Variants in NEGR1 observed in about 807,000 individuals in gnomAD.
NEGR1 encodes the protein neuronal growth regulator 1, also known as IgLON family member 4.
NEGR1 carries 10 observed loss-of-function variants against 40.9 expected under a neutral mutation model. The ratio of observed to expected loss-of-function variants is 0.24; its 90% CI spans 0.15 to 0.42. NEGR1 has a LOEUF of 0.42. NEGR1 is among the 10% of genes least tolerant of loss of function. NEGR1 has a pLI of 1.00. For synonymous variants in NEGR1, 185 were observed against 166.8 expected (o/e 1.11, Z -0.84); for missense variants, 352 against 438.9 (o/e 0.80, Z 1.77).
chr1:72,112,357 A>G (rs1468721791), intron 1 of NEGR1, among the ~76,000 whole-genome samples: 1 of 151,466 alleles, frequency 6.6e-6, no homozygotes, highest in Non-Finnish European at 1.5e-5. Flanking sequence ...CGTTTATACT[A>G]TTCTTCATTA....
intron 4 of NEGR1, among the ~76,000 whole-genome samples, chr1:71,639,643 A>AG (rs1327816091): frequency 3.3e-5 from 5 of 152,014 alleles, no homozygotes; most frequent in Non-Finnish European, 2.9e-5. Flanking sequence ...GCTGCTGGTG[A>AG]GGGGGGAAAT....
rs371734184 is a variant in NEGR1, at chr1:72,015,819, G to A, written c.177-80508C>T. ...AGGGTCTAAAACCCCTCATGGCCTG[G>A]TTTTGGGTCTGGCCACCCCAACACT... On this transcript the variant is annotated intron_variant, in intron 1 of 6. Coordinates refer to ENST00000357731, the MANE Select transcript of NEGR1 (RefSeq NM_173808.3). Among the ~76,000 whole-genome samples, 83 of 152,222 alleles carry A rather than the reference G, an allele frequency of 5.5e-4. No individual in the cohort carries two copies. The Middle Eastern group carries it at 0.014, about 25-fold the overall frequency.
chr1:72,175,114 C>T lies in NEGR1; in HGVS notation c.176+107205G>A, dbSNP rs1045320778. On this transcript the variant is annotated intron_variant, in intron 1 of 6. Transcript: ENST00000357731. ...CTGTATCTCCTAATGCTATCCCTCC[C>T]CCCTTCCCCCGATATTTTCAATCAA... Among the ~76,000 whole-genome samples the T allele has an allele frequency of 5.9e-5, 9 of 152,082 alleles. No homozygotes were observed. The East Asian group carries it at 7.8e-4, about 13-fold the overall frequency.
intron 1 of NEGR1, among the ~76,000 whole-genome samples, chr1:72,074,841 C>A (rs1476878166): frequency 1.3e-5 from 2 of 151,944 alleles, no homozygotes; most frequent in African/African-American, 4.8e-5. Context: ...ATTTTTTGGT[C>A]TTACAATGTT....
chr1:71,707,429 G>A (rs1191567508), intron 3 of NEGR1, among the ~76,000 whole-genome samples: 1 of 152,196 alleles, frequency 6.6e-6, no homozygotes, highest in Non-Finnish European at 1.5e-5. Flanking sequence ...GAAAGGGGAG[G>A]GAAGAGTGGG....
chr1:71,969,235 G>A (rs1397533132), intron 1 of NEGR1, among the ~76,000 whole-genome samples: 3 of 152,006 alleles, frequency 2.0e-5, no homozygotes, highest in African/African-American at 7.2e-5. Flanking sequence ...GGCTGGTCTC[G>A]AACACCTGAT....
At chr1:72,235,034 T>A (rs1051172956) in intron 1 of NEGR1, among the ~76,000 whole-genome samples, 4 of 152,050 alleles carry the variant, frequency 2.6e-5, no homozygotes, top group Non-Finnish European at 5.9e-5. Context: ...AATGACAGAC[T>A]GGATAAAGAA....
chr1:72,019,891 T>G (rs2100418313), intron 1 of NEGR1, among the ~76,000 whole-genome samples: 1 of 152,340 alleles, frequency 6.6e-6, no homozygotes, highest in Admixed American at 6.5e-5. Flanking sequence ...AATTTGCATT[T>G]ATGGAGCGCT....
chr1:71,728,518 A>G (rs910970391), intron 3 of NEGR1, among the ~76,000 whole-genome samples: 1 of 152,160 alleles, frequency 6.6e-6, no homozygotes, highest in Non-Finnish European at 1.5e-5. Flanking sequence ...CTGACTTTCT[A>G]TCTTTTCTTA....
intron 3 of NEGR1, among the ~76,000 whole-genome samples, chr1:71,746,531 T>A (rs1655387641): frequency 6.6e-6 from 1 of 152,092 alleles, no homozygotes; most frequent in South Asian, 2.1e-4. Context: ...ATTATGTAAG[T>A]CCTTAAGTGA....
intron 6 of NEGR1, among the ~76,000 whole-genome samples, chr1:71,524,441 T>G (rs964021914): frequency 6.6e-6 from 1 of 151,540 alleles, no homozygotes; most frequent in African/African-American, 2.4e-5. Context: ...ATCATTACCT[T>G]TTTAATAGTA....
chr1:71,643,658 T>C (rs1340723470), intron 4 of NEGR1, among the ~76,000 whole-genome samples: 1 of 152,000 alleles, frequency 6.6e-6, no homozygotes, highest in East Asian at 1.9e-4. Context: ...CACAAATGTA[T>C]ATGCATGTAG....
At chr1:71,651,179 T>A (rs1482039261) in intron 4 of NEGR1, among the ~76,000 whole-genome samples, 2 of 152,180 alleles carry the variant, frequency 1.3e-5, no homozygotes, top group Non-Finnish European at 2.9e-5. Flanking sequence ...TATATTTACA[T>A]GATCAAAGAA....
chr1:71,692,113 G>C (rs1570216329), intron 4 of NEGR1, among the ~76,000 whole-genome samples: 1 of 151,370 alleles, frequency 6.6e-6, no homozygotes, highest in African/African-American at 2.4e-5. Context: ...AGTAGCCCAG[G>C]CTGTAGCACC....
chr1:71,509,973 ACTTT>A (rs1647061815), intron 6 of NEGR1, among the ~76,000 whole-genome samples: 1 of 152,180 alleles, frequency 6.6e-6, no homozygotes, highest in Non-Finnish European at 1.5e-5. Context: ...GAAATGTTGC[ACTTT>A]CATTCTCAAC....
intron 6 of NEGR1, among the ~76,000 whole-genome samples, chr1:71,430,918 C>T (rs570452755): frequency 6.6e-6 from 1 of 151,982 alleles, no homozygotes; most frequent in South Asian, 2.1e-4. Context: ...CACCACCGGG[C>T]CCGACTAATT....
chr1:71,956,314 C>T (rs1016659987), intron 1 of NEGR1, among the ~76,000 whole-genome samples: 2 of 151,964 alleles, frequency 1.3e-5, no homozygotes, highest in Admixed American at 6.6e-5. Flanking sequence ...TATCTTCTAC[C>T]GTGATTATTA....
At chr1:71,959,774 T>A (rs753988016) in intron 1 of NEGR1, among the ~76,000 whole-genome samples, 1 of 152,126 alleles carries the variant, frequency 6.6e-6, no homozygotes, top group Non-Finnish European at 1.5e-5. Flanking sequence ...AAAAGAAGCC[T>A]GTTAAATTTC....
Position 72,223,761 on chromosome 1 carries a change from TA to T in NEGR1, c.176+58557del, listed in dbSNP as rs143936328. The stretch of plus-strand genomic sequence containing the variant: ...CATGATTCGGTGATCAAATAACGCT[TA>T]AATACTATTTATTAAGTCAAATATC... On this transcript the variant is annotated intron_variant, in intron 1 of 6. Coordinates refer to ENST00000357731, the MANE Select transcript of NEGR1 (RefSeq NM_173808.3). 7.4e-3 allele frequency among the ~76,000 whole-genome samples: 1,129 copies of T among 152,300 alleles called. 17 individuals are homozygous for T. Among genetic ancestry groups the T allele is most frequent in the African/African-American group, 0.026 (1,083 of 41,572 alleles).
Sources: gnomAD v4.1 joint callset for allele counts (sites outside exome capture counted in the v4.1 genomes callset) on GRCh38, gnomAD v4.1.1 for gene constraint, MANE v1.5 for transcripts, NCBI Gene and HGNC (gene_info 2026-07-23, HGNC 2026-07-21) for gene names.